Variants in DNAH8 observed in about 807,000 individuals in gnomAD.
DNAH8 encodes the protein axonemal beta dynein heavy chain 8.
In DNAH8, 382 loss-of-function variants were observed where a neutral mutation model predicts 562.1. That is an observed-to-expected ratio of 0.68 (90% CI 0.63 to 0.74). The LOEUF (loss-of-function observed/expected upper bound fraction) is 0.74. DNAH8 is among the 30% of genes least tolerant of loss of function. DNAH8 has a pLI of 0.00. For synonymous variants in DNAH8, 1,881 were observed against 1,919.4 expected (o/e 0.98, Z 0.52); for missense variants, 5,203 against 5,620.4 (o/e 0.93, Z 2.37).
chr6:38,797,689 C>T (rs1434817778), intron 21 of DNAH8, among the ~76,000 whole-genome samples: 1 of 152,182 alleles, frequency 6.6e-6, no homozygotes, highest in African/African-American at 2.4e-5. Flanking sequence ...TTCAGGTTTT[C>T]CTCAAGATCT....
At position 38,938,008 on chromosome 6, in the gene DNAH8, A is replaced by G; in HGVS notation, c.11598A>G (p.Val3866=). The stretch of plus-strand genomic sequence containing the variant: ...TAGATGACGAATCTCTCATTGGTGT[A>G]CTTCGAACTACCAAGCAGACAGCAG... ...SLVDDESLIG[V]LRTTKQTAAE... is the part of the protein sequence containing the mutation. Residue 3866 remains valine (V), a synonymous_variant, in exon 78 of 93, where the codon GTA becomes GTG. Transcript: ENST00000327475. The G allele has an allele frequency of 6.2e-7, 1 of 1,613,428 alleles. No individual in the cohort carries two copies. The highest frequency in any genetic ancestry group is 8.5e-7 in the Non-Finnish European group (1 of 1,179,942).
chr6:38,987,721 C>A (rs1312191782), intron 87 of DNAH8, among the ~76,000 whole-genome samples: 1 of 152,122 alleles, frequency 6.6e-6, no homozygotes, highest in African/African-American at 2.4e-5. Context: ...GACTGTTGGC[C>A]ACCCCACTTC....
Position 38,873,059 on chromosome 6 carries a change from A to G in DNAH8, c.7391A>G (p.Asn2464Ser), listed in dbSNP as rs1777593348. ...TGTAAGCTTCTGTTTGAAGTCCACAATATCGAGAACGCCTCTCCTGCCACG... is the reference window on the plus strand; with the variant it reads ...TGTAAGCTTCTGTTTGAAGTCCACAGTATCGAGAACGCCTCTCCTGCCACG... ...PSCKLLFEVH[N>S]IENASPATVS... The change falls in exon 51 of 93, where the codon AAT (asparagine) becomes AGT (serine). Residue 2464 changes from asparagine to serine, a missense_variant. Transcript: ENST00000327475. The G allele has an allele frequency of 1.2e-6, 2 of 1,614,008 alleles. No individual in the cohort carries two copies. The highest frequency in any genetic ancestry group is 1.3e-5 in the African/African-American group (1 of 74,922).
chr6:38,761,261 T>TC (rs1766479358), intron 10 of DNAH8, among the ~76,000 whole-genome samples: 1 of 53,188 alleles, frequency 1.9e-5, no homozygotes, highest in Admixed American at 3.1e-4. Flanking sequence ...CCCTCCCCCC[T>TC]CCCCCCACCC....
At chr6:38,937,098 A>G (rs1341981662) in intron 77 of DNAH8, among the ~76,000 whole-genome samples, 1 of 152,184 alleles carries the variant, frequency 6.6e-6, no homozygotes, top group East Asian at 1.9e-4. Context: ...GCAAAGTAAT[A>G]TCAGAATAGA....
chr6:38,984,186 CT>C lies in DNAH8; in HGVS notation c.12952-14del. 1 of 1,398,182 alleles carries C rather than the reference CT, an allele frequency of 7.2e-7. No homozygotes were observed. Among genetic ancestry groups the C allele is most frequent in the Non-Finnish European group, 1.0e-6 (1 of 994,172 alleles). 86.6% of individuals were successfully genotyped at this position (1,398,182 alleles called of 1,614,324 possible). On this transcript the variant is annotated intron_variant, in intron 86 of 92. Transcript: ENST00000327475. ...GTGTTTGGGTTGACAATTAATAATC[CT>C]TTTTTACTTTTAATAAAGGGTGTAT...
At chr6:39,004,686 GCCAGGCTGTCATC>G (rs146482021) in intron 88 of DNAH8, among the ~76,000 whole-genome samples, 14,870 of 152,082 alleles carry the variant, frequency 0.098, 868 homozygotes, top group Admixed American at 0.19. Flanking sequence ...GCCCATTTGT[GCCAGGCTGTCATC>G]CCCAGCCTCA....
At chr6:38,753,937 A>G (rs374677860) in intron 9 of DNAH8, among the ~76,000 whole-genome samples, 37 of 152,280 alleles carry the variant, frequency 2.4e-4, no homozygotes, top group African/African-American at 8.9e-4. Flanking sequence ...CACCCACTAT[A>G]TCTGTACTTT....
At chr6:38,903,215 C>T (rs1780192791) in intron 62 of DNAH8, among the ~76,000 whole-genome samples, 1 of 152,108 alleles carries the variant, frequency 6.6e-6, no homozygotes, top group African/African-American at 2.4e-5. Context: ...TATTTAAAAA[C>T]AGGTTTGTTT....
intron 26 of DNAH8, among the ~76,000 whole-genome samples, chr6:38,820,290 A>G (rs1231971759): frequency 1.3e-5 from 2 of 152,212 alleles, no homozygotes; most frequent in East Asian, 3.8e-4. Context: ...ATGAAAATAT[A>G]TGGTATAGGT....
intron 21 of DNAH8, among the ~76,000 whole-genome samples, chr6:38,792,960 T>G (rs1769897198): frequency 6.6e-6 from 1 of 152,024 alleles, no homozygotes; most frequent in African/African-American, 2.4e-5. Flanking sequence ...AAACATTTTT[T>G]TTGTAGAGAC....
At chr6:38,999,392 T>A (rs1365589463) in intron 88 of DNAH8, among the ~76,000 whole-genome samples, 1 of 148,606 alleles carries the variant, frequency 6.7e-6, no homozygotes, top group African/African-American at 2.5e-5. Context: ...AATTTGGATA[T>A]GGGGGCTGTT....
rs548973679 is a variant in DNAH8 at position 38,756,749 on chromosome 6, C to A, written c.1515+670C>A. Among the ~76,000 whole-genome samples the A allele has an allele frequency of 3.3e-5, 5 of 150,660 alleles. No individual in the cohort carries two copies. In the South Asian group the frequency reaches 1.1e-3, roughly 32 times the overall value. ...TGTGTTCTCATTGTTCAATTCCCAC[C>A]TCTAAGTGAGAACATGCGGTGTTTG... is the stretch of plus-strand genomic sequence containing the variant. On this transcript the variant is annotated intron_variant, in intron 10 of 92. Coordinates refer to ENST00000327475, the MANE Select transcript of DNAH8 (RefSeq NM_001206927.2).
intron 80 of DNAH8, among the ~76,000 whole-genome samples, chr6:38,946,604 T>A: frequency 6.6e-6 from 1 of 151,690 alleles, no homozygotes; most frequent in East Asian, 1.9e-4. Context: ...AGGTCAGGAG[T>A]TTGAGACCAG....
chr6:38,841,138 G>A lies in DNAH8; in HGVS notation c.4467-1230G>A, dbSNP rs948989853. On this transcript the variant is annotated intron_variant, in intron 33 of 92. Coordinates refer to ENST00000327475, the MANE Select transcript of DNAH8 (RefSeq NM_001206927.2). ...ACATGGTAATTACAAGATAGAATGGGCTGGGTGCCGTAGCTCATGCCTATA... is the reference window on the plus strand; with the variant it reads ...ACATGGTAATTACAAGATAGAATGGACTGGGTGCCGTAGCTCATGCCTATA... Among the ~76,000 whole-genome samples, 4 of 152,054 alleles carry A rather than the reference G, an allele frequency of 2.6e-5. No individual in the cohort carries two copies. The East Asian group carries it at 7.7e-4, about 29-fold the overall frequency.
At chr6:38,747,664 C>A (rs563407660) in intron 8 of DNAH8, among the ~76,000 whole-genome samples, 1 of 152,122 alleles carries the variant, frequency 6.6e-6, no homozygotes, top group Non-Finnish European at 1.5e-5. Context: ...GGATTACTGG[C>A]GTGAGCCACC....
chr6:38,987,414 G>T (rs755829471), intron 87 of DNAH8, among the ~76,000 whole-genome samples: 1 of 152,008 alleles, frequency 6.6e-6, no homozygotes, highest in Non-Finnish European at 1.5e-5. Flanking sequence ...CTGTCCTCTG[G>T]GCCTGGGATG....
chr6:39,025,887 C>T (rs918682032), intron 91 of DNAH8, among the ~76,000 whole-genome samples: 6 of 152,154 alleles, frequency 3.9e-5, no homozygotes, highest in Non-Finnish European at 8.8e-5. Context: ...TTGTTACTCT[C>T]CAAGAAAGGC....
chr6:38,746,138 A>T (rs1043174461), intron 8 of DNAH8, among the ~76,000 whole-genome samples: 23 of 152,168 alleles, frequency 1.5e-4, no homozygotes, highest in African/African-American at 5.3e-4. Flanking sequence ...TTCTTATGTA[A>T]GAAAATGTTG....
Sources: allele counts gnomAD v4.1 joint callset (sites outside exome capture counted in the v4.1 genomes callset), GRCh38; gene constraint gnomAD v4.1.1; transcripts MANE v1.5; gene names NCBI Gene and HGNC (gene_info 2026-07-23, HGNC 2026-07-21).